The following FBXL20 variants were observed in gnomAD, a reference collection of about 807,000 sequenced individuals.
The protein encoded by FBXL20 is F-box and leucine rich repeat protein 20, also known as F-box/LRR-repeat protein 20.
In FBXL20, 11 loss-of-function variants were observed where a neutral mutation model predicts 64.0. The observed-to-expected ratio is 0.17, with a 90% CI of 0.11 to 0.28. The LOEUF (loss-of-function observed/expected upper bound fraction) is 0.28, where lower values mean the gene tolerates loss of function less well. FBXL20 is among the 10% of genes least tolerant of loss of function. The probability of loss-of-function intolerance (pLI) is 1.00; values close to 1 mark genes in which losing one functional copy is unlikely to be tolerated. For missense variants in FBXL20, 303 were observed against 526.2 expected, an observed-to-expected ratio of 0.58 and a Z score of 4.15; for synonymous variants, 184 against 189.0, an observed-to-expected ratio of 0.97 and a Z score of 0.22.
rs531960977 is a variant in FBXL20, at chr17:39,319,738, GA to G, written c.105-16100del. The stretch of plus-strand genomic sequence containing the variant: ...AACTGGGAGGAGGTAGTGAAGGCCA[GA>G]AAAAAAAAAAAAATAGAACAGCAGG... On this transcript the variant is annotated intron_variant, in intron 2 of 14. Transcript: ENST00000264658. Among the ~76,000 whole-genome samples the G allele has an allele frequency of 8.2e-3, 931 of 113,538 alleles. 2 individuals are homozygous for G. The highest frequency in any genetic ancestry group is 0.022 in the South Asian group (77 of 3,562). The allele number at this position is 113,538 out of a possible 152,430, so 74.5% of individuals were successfully genotyped here.
At chr17:39,299,578 A>G (rs536033527) in intron 4 of FBXL20, among the ~76,000 whole-genome samples, 11 of 147,188 alleles carry the variant, frequency 7.5e-5, no homozygotes, top group Admixed American at 1.4e-4. Flanking sequence ...TCAGGAGATC[A>G]ACACCATCCT....
chr17:39,401,946 G>A (rs554378556), upstream of FBXL20: 2 of 435,624 alleles, frequency 4.6e-6, no homozygotes, highest in African/African-American at 2.0e-5. Flanking sequence ...GTGCGCGCGT[G>A]CTCGCGGACC....
chr17:39,270,668 T>G (rs1302085099), intron 11 of FBXL20, 128 bp downstream of exon 11: 1 of 713,808 alleles, frequency 1.4e-6, no homozygotes, highest in African/African-American at 1.8e-5. Flanking sequence ...AGCTATAGCA[T>G]GAAACCCCGT....
Position 39,259,813 on chromosome 17 carries a change from T to A in FBXL20, c.*1647A>T, listed in dbSNP as rs554268771. 3 of 151,756 alleles carry A rather than the reference T, an allele frequency of 2.0e-5. No individual in the cohort carries two copies. The highest frequency in any genetic ancestry group is 2.1e-4 in the South Asian group (1 of 4,776). 9.4% of individuals were successfully genotyped at this position (151,756 alleles called of 1,614,324 possible). A position where few individuals can be genotyped will look rare whatever the true frequency, so the allele number is the denominator to read the frequency against. On this transcript the variant is annotated 3_prime_UTR_variant, in exon 15 of 15. Transcript: ENST00000264658. ...AGGCTGGCCAACATGTGAAACCCCA[T>A]CTCTACTAAAAATACAAAAATTAGC...
intron 3 of FBXL20, among the ~76,000 whole-genome samples, chr17:39,302,780 G>A (rs2144454578): frequency 6.6e-6 from 1 of 152,270 alleles, no homozygotes; most frequent in African/African-American, 2.4e-5. Flanking sequence ...AAAATGAAGG[G>A]ATTATAGGTG....
intron 2 of FBXL20, among the ~76,000 whole-genome samples, chr17:39,330,527 C>T (rs1381799745): frequency 1.3e-5 from 2 of 151,886 alleles, no homozygotes; most frequent in East Asian, 3.9e-4. Flanking sequence ...GGCAGGAAGA[C>T]TGCTTGAACC....
chr17:39,364,519 G>A (rs1567897282), intron 1 of FBXL20, among the ~76,000 whole-genome samples: 1 of 152,194 alleles, frequency 6.6e-6, no homozygotes, highest in Non-Finnish European at 1.5e-5. Flanking sequence ...TGAGGCGGGA[G>A]GATTGCTTGA....
intron 10 of FBXL20, among the ~76,000 whole-genome samples, chr17:39,272,278 T>C (rs781143956): frequency 6.6e-6 from 1 of 151,038 alleles, no homozygotes; most frequent in Non-Finnish European, 1.5e-5. Flanking sequence ...CCCAGCTATC[T>C]GAGAGGTTGA....
At chr17:39,359,617 A>C (rs930886075) in intron 1 of FBXL20, among the ~76,000 whole-genome samples, 2 of 152,036 alleles carry the variant, frequency 1.3e-5, no homozygotes, top group African/African-American at 2.4e-5. Context: ...AAAAAAAAAA[A>C]CCCAGAAAGT....
intron 2 of FBXL20, among the ~76,000 whole-genome samples, chr17:39,314,863 T>A (rs2047270714): frequency 6.8e-6 from 1 of 147,590 alleles, no homozygotes; most frequent in Admixed American, 6.9e-5. Flanking sequence ...AGTGGCACGA[T>A]CTCAGCTCAC....
intron 9 of FBXL20, among the ~76,000 whole-genome samples, chr17:39,279,185 TAGTC>T (rs2046926381): frequency 6.6e-6 from 1 of 152,118 alleles, no homozygotes; most frequent in African/African-American, 2.4e-5. Context: ...CAAATTCTGA[TAGTC>T]AGCAACTATA....
chr17:39,386,093 T>G (rs974533084), intron 1 of FBXL20, among the ~76,000 whole-genome samples: 2 of 143,338 alleles, frequency 1.4e-5, no homozygotes, highest in Admixed American at 1.4e-4. Context: ...ACCTGTAATC[T>G]CAGCACTTTG....
At chr17:39,274,821 A>G (rs2046875516) in intron 10 of FBXL20, 149 bp downstream of exon 10, 3 of 914,766 alleles carry the variant, frequency 3.3e-6, no homozygotes, top group Non-Finnish European at 4.8e-6. Flanking sequence ...AGGTACAAAA[A>G]GGAAGTAGGT....
rs2046793608 is a variant in FBXL20, at chr17:39,266,483, G to A, written c.934-1030C>T. On this transcript the variant is annotated intron_variant, in intron 12 of 14. Transcript: ENST00000264658. Reference sequence around the variant, plus strand: ...GATCCACCTACCTCAGCCTCCCAAAGTGCTAGAATTACAGGCATGAGCCAC... The same window carrying A: ...GATCCACCTACCTCAGCCTCCCAAAATGCTAGAATTACAGGCATGAGCCAC... Among the ~76,000 whole-genome samples, 4 of 152,164 alleles carry A rather than the reference G, an allele frequency of 2.6e-5. No homozygotes were observed. The South Asian group carries it at 8.3e-4, about 32-fold the overall frequency.
intron 2 of FBXL20, among the ~76,000 whole-genome samples, chr17:39,316,154 G>A (rs1252077395): frequency 2.0e-5 from 3 of 152,130 alleles, no homozygotes; most frequent in Admixed American, 2.0e-4. Flanking sequence ...AATCTGGAAA[G>A]GGAGAAAACT....
At chr17:39,383,987 A>G (rs960037752) in intron 1 of FBXL20, among the ~76,000 whole-genome samples, 1 of 151,790 alleles carries the variant, frequency 6.6e-6, no homozygotes, top group African/African-American at 2.4e-5. Context: ...TAATCCTAGC[A>G]TTTTGGGAGG....
chr17:39,376,785 CAGG>C (rs1212842679), intron 1 of FBXL20, among the ~76,000 whole-genome samples: 1 of 152,040 alleles, frequency 6.6e-6, no homozygotes, highest in Non-Finnish European at 1.5e-5. Flanking sequence ...GAGATCAAGG[CAGG>C]AGGATTGCTT....
At chr17:39,339,084 C>T (rs752589327) in intron 2 of FBXL20, among the ~76,000 whole-genome samples, 27 of 144,784 alleles carry the variant, frequency 1.9e-4, no homozygotes, top group Non-Finnish European at 3.0e-4. Flanking sequence ...AGGAGAATCG[C>T]TTGAACCTGG....
At chr17:39,402,295 C>T, upstream of FBXL20, 3 of 897,350 alleles carry the variant, frequency 3.3e-6, no homozygotes, top group African/African-American at 1.7e-5. Flanking sequence ...CCGCCGCCGC[C>T]GCCTCCCCCG....
Sources: gnomAD v4.1 joint callset for allele counts (sites outside exome capture counted in the v4.1 genomes callset) on GRCh38, gnomAD v4.1.1 for gene constraint, MANE v1.5 for transcripts, NCBI Gene and HGNC (gene_info 2026-07-23, HGNC 2026-07-21) for gene names.